Variants in MRGPRX4 observed in about 807,000 individuals in gnomAD.
MRGPRX4 encodes the protein MAS related GPR family member X4.
Under a neutral mutation model 17.8 loss-of-function variants are expected in MRGPRX4, and 13 were observed. That is an observed-to-expected ratio of 0.73 (90% confidence interval 0.48 to 1.16). The LOEUF (loss-of-function observed/expected upper bound fraction) is 1.16. Among genes scored for constraint, MRGPRX4 ranks in the 50% most tolerant of loss-of-function variants. The pLI, the probability that MRGPRX4 is intolerant of heterozygous loss-of-function variation, is 0.00. For synonymous variants in MRGPRX4, 192 were observed against 175.3 expected, an observed-to-expected ratio of 1.10 and a Z score of -0.75; for missense variants, 399 against 405.0, an observed-to-expected ratio of 0.99 and a Z score of 0.13.
chr11:18,173,597 G>C lies in MRGPRX4; in HGVS notation c.341G>C (p.Ser114Thr). 6.2e-7 allele frequency: 1 copy of C among 1,614,134 alleles called. No homozygotes were observed. The highest frequency in any genetic ancestry group is 1.1e-5 in the South Asian group (1 of 91,070). The change falls in exon 1 of 1, where the codon AGC (serine) becomes ACC (threonine). Residue 114 changes from serine to threonine, a missense_variant. Ser to Thr is a moderately conservative substitution (Grantham distance 58). Transcript: ENST00000314254. ...TACTTTACAGGCCTGAGTATGCTGA[G>C]CGCCATCAGCACCGAGCGCTGCCTG... ...FPYFTGLSML[S>T]AISTERCLSV...
In MRGPRX4 at chr11:18,173,129, GT is replaced by G. The variant is rs1474207015; in HGVS notation, c.-125del. The G allele has an allele frequency of 4.6e-6, 6 of 1,298,632 alleles. No individual in the cohort carries two copies. Among genetic ancestry groups the G allele is most frequent in the Non-Finnish European group, 6.4e-6 (6 of 941,540 alleles). The allele number at this position is 1,298,632 out of a possible 1,614,324, so 80.4% of individuals were successfully genotyped here. A position where few individuals can be genotyped will look rare whatever the true frequency, so the allele number is the denominator to read the frequency against. Reference sequence around the variant, plus strand: ...AGTGACTTATTATCTGCGAGCCTCTGTTTCTCTCTTCTTTAAATGAGGACAG... The same window carrying G: ...AGTGACTTATTATCTGCGAGCCTCTGTTCTCTCTTCTTTAAATGAGGACAG... On this transcript the variant is annotated 5_prime_UTR_variant, in exon 1 of 1. Transcript: ENST00000314254.
In MRGPRX4 at chr11:18,173,675, C is replaced by T. The variant is rs760270375; in HGVS notation, c.419C>T (p.Ala140Val). Residue 140 changes from alanine (A) to valine (V), a missense_variant, in exon 1 of 1, where the codon GCG (alanine) becomes GTG (valine). Ala to Val is a moderately conservative substitution (Grantham distance 64). Transcript: ENST00000314254. ...TGCCGCCGCCCCACACACCTGTCAG[C>T]GGTCGTGTGTGTCCTGCTCTGGGGC... is the stretch of plus-strand genomic sequence containing the variant. The part of the protein sequence containing the change: ...YRCRRPTHLS[A>V]VVCVLLWGLS... 10 of 1,614,084 alleles carry T rather than the reference C, an allele frequency of 6.2e-6. No homozygotes were observed. The African/African-American group carries it at 1.2e-4, about 19-fold the overall frequency.
chr11:18,173,402 T>C lies in MRGPRX4; in HGVS notation c.146T>C (p.Leu49Pro). The change falls in exon 1 of 1, where the codon CTC (leucine) becomes CCC (proline). Residue 49 changes from leucine to proline, a missense_variant. Leu to Pro is a moderately conservative substitution (Grantham distance 98, BLOSUM62 -3). Transcript: ENST00000314254. The part of the protein sequence containing the change: ...LVGLTGNAVV[L>P]WLLGYRMRRN... Reference sequence around the variant, plus strand: ...GGACTGACAGGAAACGCGGTTGTGCTCTGGCTCCTGGGCTACCGCATGCGC... The same window carrying C: ...GGACTGACAGGAAACGCGGTTGTGCCCTGGCTCCTGGGCTACCGCATGCGC... 6.2e-7 allele frequency: 1 copy of C among 1,614,200 alleles called. No individual in the cohort carries two copies. Among genetic ancestry groups the C allele is most frequent in the Non-Finnish European group, 8.5e-7 (1 of 1,180,034 alleles).
chr11:18,174,135 G>C lies in MRGPRX4; in HGVS notation c.879G>C (p.Arg293Ser), dbSNP rs1215385675. 6.2e-7 allele frequency: 1 copy of C among 1,614,230 alleles called. No individual in the cohort carries two copies. ...NRQNLKLVLQ[R>S]ALQDKPEVDK... ...AGAACCTGAAGCTGGTTCTCCAGAG[G>C]GCTCTGCAGGACAAGCCTGAGGTGG... is the stretch of plus-strand genomic sequence containing the variant. The change falls in exon 1 of 1, where the codon AGG becomes AGC. Residue 293 changes from arginine (R) to serine (S), a missense_variant. Transcript: ENST00000314254.
rs774672198 is a variant in MRGPRX4 at position 18,173,859 on chromosome 11, G to C, written c.603G>C (p.Arg201Ser). ...TTTCCAGCCTGGTCCTGCTGGTCAG[G>C]ATCCTCTGTGGATCCCGGAAGATGC... is the stretch of plus-strand genomic sequence containing the variant. ...LCVSSLVLLV[R>S]ILCGSRKMPL... The change falls in exon 1 of 1, where the codon AGG (arginine) becomes AGC (serine). Residue 201 changes from arginine (R) to serine (S), a missense_variant. Transcript: ENST00000314254. 8 of 1,614,192 alleles carry C rather than the reference G, an allele frequency of 5.0e-6. No individual in the cohort carries two copies. Among genetic ancestry groups the C allele is most frequent in the East Asian group, 2.2e-5 (1 of 44,880 alleles).
Position 18,173,780 on chromosome 11 carries a change from C to T in MRGPRX4, c.524C>T (p.Thr175Met), listed in dbSNP as rs766715484. The change falls in exon 1 of 1, where the codon ACG becomes ATG. Residue 175 changes from threonine to methionine, a missense_variant. Physicochemically the swap from Thr to Met is moderately conservative, Grantham distance 81. Coordinates refer to ENST00000314254, the MANE Select transcript of MRGPRX4 (RefSeq NM_054032.3). Reference sequence around the variant, plus strand: ...GGTGCTGATTCTAGTTGGTGTGAAACGTCAGATTTCATCCCAGTCGCGTGG... The same window carrying T: ...GGTGCTGATTCTAGTTGGTGTGAAATGTCAGATTTCATCCCAGTCGCGTGG... ...FSGADSSWCE[T>M]SDFIPVAWLI... 49 of 1,613,992 alleles carry T rather than the reference C, an allele frequency of 3.0e-5. No individual in the cohort carries two copies. Among genetic ancestry groups the T allele is most frequent in the Non-Finnish European group, 4.0e-5 (47 of 1,180,022 alleles).
chr11:18,173,992 T>C lies in MRGPRX4; in HGVS notation c.736T>C (p.Leu246=), dbSNP rs747520854. Residue 246 remains leucine, a synonymous_variant, in exon 1 of 1, where the codon TTG becomes CTG. Coordinates refer to ENST00000314254, the MANE Select transcript of MRGPRX4 (RefSeq NM_054032.3). ...GALIYRMHLN[L]EVLYCHVYLV... ...CCTAATTTACAGGATGCACCTGAAT[T>C]TGGAAGTCTTATATTGTCATGTTTA... is the stretch of plus-strand genomic sequence containing the variant. The C allele has an allele frequency of 1.9e-6, 3 of 1,614,186 alleles. No individual in the cohort carries two copies. Among genetic ancestry groups the C allele is most frequent in the Non-Finnish European group, 1.7e-6 (2 of 1,180,038 alleles).
chr11:18,173,943 C>A lies in MRGPRX4; in HGVS notation c.687C>A (p.Gly229=), dbSNP rs765587543. The change falls in exon 1 of 1, where the codon GGC becomes GGA. Residue 229 remains glycine (G), a synonymous_variant. Coordinates refer to ENST00000314254, the MANE Select transcript of MRGPRX4 (RefSeq NM_054032.3). ...CAGTGCTGGTCTTCCTCCTCTGCGGCCTGCCCTTCGGCATTCTGGGGGCCC... is the reference window on the plus strand; with the variant it reads ...CAGTGCTGGTCTTCCTCCTCTGCGGACTGCCCTTCGGCATTCTGGGGGCCC... ...LLTVLVFLLC[G]LPFGILGALI... 3 of 1,614,234 alleles carry A rather than the reference C, an allele frequency of 1.9e-6. No individual in the cohort carries two copies. The highest frequency in any genetic ancestry group is 3.3e-5 in the Admixed American group (2 of 60,028).
Position 18,174,049 on chromosome 11 carries a change from A to G in MRGPRX4, c.793A>G (p.Ser265Gly). ...LVCMSLSSLN[S>G]SANPIIYFFV... ...TTGCATGTCCCTGTCCTCTCTAAACAGTAGTGCCAACCCCATCATTTACTT... is the reference window on the plus strand; with the variant it reads ...TTGCATGTCCCTGTCCTCTCTAAACGGTAGTGCCAACCCCATCATTTACTT... The change falls in exon 1 of 1, where the codon AGT becomes GGT. Residue 265 changes from serine (S) to glycine (G), a missense_variant. Ser to Gly is a moderately conservative substitution (Grantham distance 56). Transcript: ENST00000314254. The G allele has an allele frequency of 1.2e-6, 2 of 1,614,180 alleles. No homozygotes were observed. The highest frequency in any genetic ancestry group is 1.7e-6 in the Non-Finnish European group (2 of 1,180,036).
In MRGPRX4 at chr11:18,173,828, T is replaced by A. The variant is rs1486738307; in HGVS notation, c.572T>A (p.Leu191His). 1.2e-6 allele frequency: 2 copies of A among 1,614,198 alleles called. No homozygotes were observed. Among genetic ancestry groups the A allele is most frequent in the Admixed American group, 1.7e-5 (1 of 60,026 alleles). Residue 191 changes from leucine to histidine, a missense_variant, in exon 1 of 1, where the codon CTC (leucine) becomes CAC (histidine). By Grantham distance (99) the Leu-to-His change is moderately conservative (BLOSUM62 -3). Transcript: ENST00000314254. ...VAWLIFLCVVLCVSSLVLLVR... is the reference protein window; with the variant it reads ...VAWLIFLCVVHCVSSLVLLVR... ...TGGCTGATTTTTTTATGTGTGGTTC[T>A]CTGTGTTTCCAGCCTGGTCCTGCTG...
chr11:18,173,963 G>A lies in MRGPRX4; in HGVS notation c.707G>A (p.Gly236Glu). 1 of 1,614,148 alleles carries A rather than the reference G, an allele frequency of 6.2e-7. No individual in the cohort carries two copies. Among genetic ancestry groups the A allele is most frequent in the Non-Finnish European group, 8.5e-7 (1 of 1,180,026 alleles). ...LLCGLPFGIL[G>E]ALIYRMHLNL... is the part of the protein sequence containing the mutation. Reference sequence around the variant, plus strand: ...TGCGGCCTGCCCTTCGGCATTCTGGGGGCCCTAATTTACAGGATGCACCTG... The same window carrying A: ...TGCGGCCTGCCCTTCGGCATTCTGGAGGCCCTAATTTACAGGATGCACCTG... The change falls in exon 1 of 1, where the codon GGG (glycine) becomes GAG (glutamate). Residue 236 changes from glycine to glutamate, a missense_variant. Physicochemically the swap from Gly to Glu is moderately conservative, Grantham distance 98. Transcript: ENST00000314254.
rs1235639380 is a variant in MRGPRX4 at position 18,173,141 on chromosome 11, T to C, written c.-116T>C. The C allele has an allele frequency of 1.5e-6, 2 of 1,372,020 alleles. No individual in the cohort carries two copies. Among genetic ancestry groups the C allele is most frequent in the East Asian group, 4.7e-5 (2 of 42,930 alleles). The allele number at this position is 1,372,020 out of a possible 1,614,324, so 85.0% of individuals were successfully genotyped here. A position where few individuals can be genotyped will look rare whatever the true frequency, so the allele number is the denominator to read the frequency against. ...TCTGCGAGCCTCTGTTTCTCTCTTC[T>C]TTAAATGAGGACAGTAAATCCCATA... is the stretch of plus-strand genomic sequence containing the variant. On this transcript the variant is annotated 5_prime_UTR_variant, in exon 1 of 1. Transcript: ENST00000314254.
rs764529034 is a variant in MRGPRX4 at position 18,173,210 on chromosome 11, C to T, written c.-47C>T. The T allele has an allele frequency of 3.9e-6, 6 of 1,540,296 alleles. No individual in the cohort carries two copies. The highest frequency in any genetic ancestry group is 2.0e-5 in the Admixed American group (1 of 49,920). On this transcript the variant is annotated 5_prime_UTR_variant, in exon 1 of 1. Transcript: ENST00000314254. Reference sequence around the variant, plus strand: ...AATCAGAGATGATACAGCTGGTGATCACATCTGGTTTGTGTTCCCAGGGGC... The same window carrying T: ...AATCAGAGATGATACAGCTGGTGATTACATCTGGTTTGTGTTCCCAGGGGC...
chr11:18,172,845 C>T lies in MRGPRX4; in HGVS notation c.-412C>T, dbSNP rs2134100860. 1 of 172,282 alleles carries T rather than the reference C, an allele frequency of 5.8e-6. No individual in the cohort carries two copies. The highest frequency in any genetic ancestry group is 2.4e-5 in the African/African-American group (1 of 42,180). 10.7% of individuals were successfully genotyped at this position (172,282 alleles called of 1,614,324 possible). A position where few individuals can be genotyped will look rare whatever the true frequency, so the allele number is the denominator to read the frequency against. ...CATAATGCATGGTCTTCCTTCCTGTCCATGGATGACCAGTCCTAGTCACGA... is the reference window on the plus strand; with the variant it reads ...CATAATGCATGGTCTTCCTTCCTGTTCATGGATGACCAGTCCTAGTCACGA... On this transcript the variant is annotated 5_prime_UTR_variant, in exon 1 of 1. Coordinates refer to ENST00000314254, the MANE Select transcript of MRGPRX4 (RefSeq NM_054032.3).
At position 18,174,259 on chromosome 11, in the gene MRGPRX4, T is replaced by A. The variant is rs754653360; in HGVS notation, c.*34T>A. On this transcript the variant is annotated 3_prime_UTR_variant, in exon 1 of 1. Coordinates refer to ENST00000314254, the MANE Select transcript of MRGPRX4 (RefSeq NM_054032.3). Reference sequence around the variant, plus strand: ...CTCTGCCCTGTCAGTCAGACGGGACTTTGAGAGCAACACTGTCCTGCCACC... The same window carrying A: ...CTCTGCCCTGTCAGTCAGACGGGACATTGAGAGCAACACTGTCCTGCCACC... The A allele has an allele frequency of 6.3e-7, 1 of 1,584,204 alleles. No homozygotes were observed. The highest frequency in any genetic ancestry group is 8.6e-7 in the Non-Finnish European group (1 of 1,165,272).
At position 18,172,991 on chromosome 11, in the gene MRGPRX4, C is replaced by G. The variant is rs1384893446; in HGVS notation, c.-266C>G. On this transcript the variant is annotated 5_prime_UTR_variant, in exon 1 of 1. Coordinates refer to ENST00000314254, the MANE Select transcript of MRGPRX4 (RefSeq NM_054032.3). ...CCGGATGAGTGGGGGTGTTTTGATC[C>G]TAATGTTATTCCCATGTCAGCACAG... 5 of 449,236 alleles carry G rather than the reference C, an allele frequency of 1.1e-5. No homozygotes were observed. Among genetic ancestry groups the G allele is most frequent in the Non-Finnish European group, 2.0e-5 (5 of 253,490 alleles). The allele number at this position is 449,236 out of a possible 1,614,324, so 27.8% of individuals were successfully genotyped here. A position where few individuals can be genotyped will look rare whatever the true frequency, so the allele number is the denominator to read the frequency against.
the MRGPRX4 span, chr11:18,173,815 TTA>T: frequency 6.2e-6 from 10 of 1,614,138 alleles, 1 homozygote; most frequent in South Asian, 1.1e-4. Context: ...GCTGATTTTT[TTA>T]TGTGTGGTTC....
Position 18,174,187 on chromosome 11 carries a change from G to C in MRGPRX4, c.931G>C (p.Glu311Gln). ...VDKGEGQLPEESLELSGSRLG... is the reference protein window; with the variant it reads ...VDKGEGQLPEQSLELSGSRLG... ...TAAAGGTGAAGGGCAGCTTCCTGAG[G>C]AAAGCCTGGAGCTGTCGGGAAGCAG... Residue 311 changes from glutamate to glutamine, a missense_variant, in exon 1 of 1, where the codon GAA becomes CAA. By Grantham distance (29) the Glu-to-Gln change is conservative. Transcript: ENST00000314254. 6.2e-7 allele frequency: 1 copy of C among 1,614,094 alleles called. No individual in the cohort carries two copies. The highest frequency in any genetic ancestry group is 8.5e-7 in the Non-Finnish European group (1 of 1,179,986).
rs1849338923 is a variant in MRGPRX4 at position 18,173,352 on chromosome 11, G to C, written c.96G>C (p.Val32=). The C allele has an allele frequency of 6.2e-7, 1 of 1,614,044 alleles. No individual in the cohort carries two copies. The highest frequency in any genetic ancestry group is 8.5e-7 in the Non-Finnish European group (1 of 1,180,040). ...ACAATCAGACCCTGAGCTTCACGGT[G>C]CTGACGTGCATCATTTCCCTTGTCG... ...PCYNQTLSFT[V]LTCIISLVGL... Residue 32 remains valine, a synonymous_variant, in exon 1 of 1, where the codon GTG becomes GTC. Coordinates refer to ENST00000314254, the MANE Select transcript of MRGPRX4 (RefSeq NM_054032.3).
Sources: allele counts gnomAD v4.1 joint callset, GRCh38; gene constraint gnomAD v4.1.1; transcripts MANE v1.5; gene names NCBI Gene and HGNC (gene_info 2026-07-23, HGNC 2026-07-21).